Variants in ZNF429 observed in about 807,000 individuals in gnomAD.
ZNF429 encodes the protein zinc finger protein 429.
In ZNF429, 53 loss-of-function variants were observed where a neutral mutation model predicts 56.8. The ratio of observed to expected loss-of-function variants is 0.93; its 90% CI spans 0.75 to 1.17. The LOEUF is 1.17. ZNF429 is among the 50% of genes most tolerant of loss of function. ZNF429 has a pLI of 0.00. For synonymous variants in ZNF429, 278 were observed against 264.7 expected, an observed-to-expected ratio of 1.05 and a Z score of -0.49; for missense variants, 849 against 788.4, an observed-to-expected ratio of 1.08 and a Z score of -0.92.
chr19:21,524,421 A>C (rs970569645), intron 1 of ZNF429, among the ~76,000 whole-genome samples: 3 of 152,120 alleles, frequency 2.0e-5, no homozygotes, highest in Non-Finnish European at 4.4e-5. Flanking sequence ...CCAGCTGTTC[A>C]GGAGGCTAAG....
At chr19:21,511,686 A>G (rs2032483555) in intron 1 of ZNF429, among the ~76,000 whole-genome samples, 1 of 151,714 alleles carries the variant, frequency 6.6e-6, no homozygotes, top group Admixed American at 6.6e-5. Flanking sequence ...GCGGCCGGGC[A>G]GAGGCTGCAA....
Position 21,537,238 on chromosome 19 carries a change from A to G in ZNF429, c.1185A>G (p.Glu395=), listed in dbSNP as rs1343828612. Residue 395 remains glutamate, a synonymous_variant, in exon 4 of 4, where the codon GAA becomes GAG. Transcript: ENST00000358491. The part of the protein sequence containing the change: ...TRHKKIHTGE[E]PYKFEKCGRV... ...ATAAAAAAATTCATACTGGAGAGGA[A>G]CCCTACAAATTTGAAAAATGTGGCA... The G allele has an allele frequency of 1.9e-6, 3 of 1,613,684 alleles. No homozygotes were observed. The highest frequency in any genetic ancestry group is 2.5e-6 in the Non-Finnish European group (3 of 1,179,900).
Position 21,530,490 on chromosome 19 carries a change from A to T in ZNF429, c.131-99A>T. 19 of 682,194 alleles carry T rather than the reference A, an allele frequency of 2.8e-5. No individual in the cohort carries two copies. In the South Asian group the frequency reaches 4.8e-4, roughly 17 times the overall value. The allele number at this position is 682,194 out of a possible 1,614,324, so 42.3% of individuals were successfully genotyped here. A position where few individuals can be genotyped will look rare whatever the true frequency, so the allele number is the denominator to read the frequency against. On this transcript the variant is annotated intron_variant, in intron 2 of 3. Transcript: ENST00000358491. ...TAAATTGGTATTTGGGCATTAATTT[A>T]CTAGAATATTATATTACATCCTCTT...
rs1209498250 is a variant in ZNF429 at position 21,540,369 on chromosome 19, T to C, written c.*2291T>C. On this transcript the variant is annotated 3_prime_UTR_variant, in exon 4 of 4. Coordinates refer to ENST00000358491, the MANE Select transcript of ZNF429 (RefSeq NM_001001415.4). ...TAATATTGTTCCCATAGGTTAAATA[T>C]TTATCCTTTTTTTGATATTTAAATT... Among the ~76,000 whole-genome samples the C allele has an allele frequency of 6.6e-6, 1 of 152,054 alleles. No individual in the cohort carries two copies. The highest frequency in any genetic ancestry group is 2.4e-5 in the African/African-American group (1 of 41,392).
intron 1 of ZNF429, among the ~76,000 whole-genome samples, chr19:21,528,627 C>G (rs1421761554): frequency 6.6e-6 from 1 of 152,012 alleles, no homozygotes; most frequent in Non-Finnish European, 1.5e-5. Flanking sequence ...ATCGCTTGAA[C>G]CCAGGAGGTG....
intron 1 of ZNF429, among the ~76,000 whole-genome samples, chr19:21,511,250 T>TG (rs1178273487): frequency 2.0e-5 from 3 of 150,590 alleles, no homozygotes; most frequent in East Asian, 2.0e-4. Context: ...GCTGGCCCGG[T>TG]GGGGGGCTGA....
At position 21,511,409 on chromosome 19, in the gene ZNF429, C is replaced by T. The variant is rs867977599; in HGVS notation, c.3+5635C>T. On this transcript the variant is annotated intron_variant, in intron 1 of 3. Coordinates refer to ENST00000358491, the MANE Select transcript of ZNF429 (RefSeq NM_001001415.4). ...CTCACCTCCCAGACAGGGTCACGGC[C>T]GGGCAGAGGCGCTCCTCACATCCCA... Among the ~76,000 whole-genome samples the T allele has an allele frequency of 2.8e-3, 419 of 151,824 alleles. 5 individuals carry two copies. The highest frequency in any genetic ancestry group is 4.9e-3 in the Non-Finnish European group (331 of 67,936).
intron 3 of ZNF429, among the ~76,000 whole-genome samples, chr19:21,530,972 G>T: frequency 2.6e-5 from 4 of 151,784 alleles, no homozygotes; most frequent in Non-Finnish European, 5.9e-5. Flanking sequence ...TGGGCATGGT[G>T]TCACATGCCT....
Position 21,537,442 on chromosome 19 carries a change from C to T in ZNF429, c.1389C>T (p.Asn463=), listed in dbSNP as rs778530389. 8 of 1,613,240 alleles carry T rather than the reference C, an allele frequency of 5.0e-6. No homozygotes were observed. Among genetic ancestry groups the T allele is most frequent in the Non-Finnish European group, 6.8e-6 (8 of 1,179,818 alleles). ...GTAACGAATGTGGCAAAGCTTTTAA[C>T]CGGTCCTCACACCTTACTAGCCATA... The part of the protein sequence containing the change: ...YKCNECGKAF[N]RSSHLTSHRR... Residue 463 remains asparagine, a synonymous_variant, in exon 4 of 4, where the codon AAC becomes AAT. Coordinates refer to ENST00000358491, the MANE Select transcript of ZNF429 (RefSeq NM_001001415.4).
chr19:21,530,495 AATATT>A, intron 2 of ZNF429, 89 bp from the exon 3 acceptor site: 1 of 731,974 alleles, frequency 1.4e-6, no homozygotes, highest in Non-Finnish European at 2.0e-6. Flanking sequence ...AATTTACTAG[AATATT>A]ATATTACATC....
intron 1 of ZNF429, among the ~76,000 whole-genome samples, chr19:21,524,603 G>A (rs1446289280): frequency 6.6e-6 from 1 of 152,076 alleles, no homozygotes; most frequent in Non-Finnish European, 1.5e-5. Context: ...AAATCAGGAC[G>A]GGTGATCCAG....
chr19:21,513,233 A>C (rs1256973932), intron 1 of ZNF429, among the ~76,000 whole-genome samples: 3 of 152,062 alleles, frequency 2.0e-5, no homozygotes, highest in African/African-American at 7.2e-5. Flanking sequence ...AAGGATAGAG[A>C]ATTTTATTAA....
At chr19:21,536,161 T>C in intron 3 of ZNF429, 119 bp from the exon 4 acceptor site, 1 of 1,001,244 alleles carries the variant, frequency 1.0e-6, no homozygotes, top group Non-Finnish European at 1.4e-6. Context: ...AATTAGAATC[T>C]GGTATTTTGC....
At chr19:21,535,296 CTTCTTTCT>C in intron 3 of ZNF429, among the ~76,000 whole-genome samples, 35 of 82,636 alleles carry the variant, frequency 4.2e-4, no homozygotes, top group Non-Finnish European at 5.2e-4. Flanking sequence ...CATTTCTTTC[CTTCTTTCT>C]TTCTTTCTTT....
intron 1 of ZNF429, among the ~76,000 whole-genome samples, chr19:21,516,925 G>C (rs1196748031): frequency 6.6e-6 from 1 of 151,770 alleles, no homozygotes; most frequent in Non-Finnish European, 1.5e-5. Flanking sequence ...CTGTTGGGAT[G>C]CCTGTTATTT....
At chr19:21,512,963 C>T (rs554491445) in intron 1 of ZNF429, among the ~76,000 whole-genome samples, 1 of 151,902 alleles carries the variant, frequency 6.6e-6, no homozygotes, top group East Asian at 2.0e-4. Flanking sequence ...GCTCCGCCTC[C>T]TGGGTTCACA....
chr19:21,537,744 C>T lies in ZNF429; in HGVS notation c.1691C>T (p.Pro564Leu), dbSNP rs2033765226. The T allele has an allele frequency of 1.2e-6, 2 of 1,613,378 alleles. No homozygotes were observed. Among genetic ancestry groups the T allele is most frequent in the South Asian group, 1.1e-5 (1 of 91,072 alleles). The change falls in exon 4 of 4, where the codon CCC (proline) becomes CTC (leucine). Residue 564 changes from proline (P) to leucine (L), a missense_variant. Coordinates refer to ENST00000358491, the MANE Select transcript of ZNF429 (RefSeq NM_001001415.4). ...QHKKIHTGEK[P>L]YKCKQCDKAF... The stretch of plus-strand genomic sequence containing the variant: ...AAGAAAATTCATACTGGAGAGAAAC[C>T]CTACAAATGTAAACAATGTGACAAA...
Position 21,535,387 on chromosome 19 carries a change from TTCTTTC to T in ZNF429, c.227-891_227-886del. Among the ~76,000 whole-genome samples the T allele has an allele frequency of 7.1e-5, 2 of 28,112 alleles. 1 individual carries two copies. The highest frequency in any genetic ancestry group is 1.3e-4 in the Non-Finnish European group (2 of 15,158). The allele number at this position is 28,112 out of a possible 152,430, so 18.4% of individuals were successfully genotyped here. On this transcript the variant is annotated intron_variant, in intron 3 of 3. Coordinates refer to ENST00000358491, the MANE Select transcript of ZNF429 (RefSeq NM_001001415.4). ...TTTCTTTCTTTCTTTCTTTTTTACT[TTCTTTC>T]TTTCTTTCTTTCTTTTTCTTTTCTT... is the stretch of plus-strand genomic sequence containing the variant.
At chr19:21,506,308 AT>A (rs1348509114) in intron 1 of ZNF429, among the ~76,000 whole-genome samples, 1 of 152,106 alleles carries the variant, frequency 6.6e-6, no homozygotes. Context: ...AAATACAAAA[AT>A]TAGCCGGATG....
Sources: allele counts gnomAD v4.1 joint callset (sites outside exome capture counted in the v4.1 genomes callset), GRCh38; gene constraint gnomAD v4.1.1; transcripts MANE v1.5; gene names NCBI Gene and HGNC (gene_info 2026-07-23, HGNC 2026-07-21).